The following FOLH1 variants were observed in gnomAD, a reference collection of about 807,000 sequenced individuals.
FOLH1 encodes the protein folate hydrolase 1, also known as glutamate carboxypeptidase 2.
Under a neutral mutation model 93.9 loss-of-function variants are expected in FOLH1, and 54 were observed. That is an observed-to-expected ratio of 0.57 (90% CI 0.46 to 0.72). FOLH1 has a LOEUF of 0.72. Among genes scored for constraint, FOLH1 ranks in the 30% least tolerant of loss-of-function variants. FOLH1 has a pLI of 0.00. For missense variants in FOLH1, 571 were observed against 892.5 expected (o/e 0.64, Z 4.59); for synonymous variants, 249 against 303.6 (o/e 0.82, Z 1.87).
Position 49,154,202 on chromosome 11 carries a change from A to G in FOLH1, c.1888+26T>C, listed in dbSNP as rs551721616. The stretch of plus-strand genomic sequence containing the variant: ...GATTAATAGAACCATACAGATGAGG[A>G]ATTTGAAAAAGGAAGGGTAACATAC... On this transcript the variant is annotated intron_variant, in intron 16 of 18. Coordinates refer to ENST00000256999, the MANE Select transcript of FOLH1 (RefSeq NM_004476.3). 1.6e-4 allele frequency: 265 copies of G among 1,610,902 alleles called. 3 individuals carry two copies. The South Asian group carries it at 2.8e-3, about 17-fold the overall frequency.
chr11:49,158,623 T>C (rs1857289497), intron 13 of FOLH1, among the ~76,000 whole-genome samples: 4 of 152,174 alleles, frequency 2.6e-5, no homozygotes, highest in Admixed American at 1.3e-4. Context: ...GGCTCTTTTA[T>C]GGATCCATAT....
rs1295876481 is a variant in FOLH1, at chr11:49,206,075, C to A, written c.216G>T (p.Lys72Asn). ...TTCGAGGATGTACTTACTATAAGAA[C>A]TTCTTGATGTTCTCAGCTTTCAATT... The part of the protein sequence containing the change: ...LDELKAENIK[K>N]FLYNFTQIPH... The change falls in exon 2 of 19, where the codon AAG becomes AAT. Residue 72 changes from lysine (K) to asparagine (N), a missense_variant. This residue lies in a region of FOLH1 where 500 missense variants were observed against 822.9 expected (regional missense o/e 0.61). Coordinates refer to ENST00000256999, the MANE Select transcript of FOLH1 (RefSeq NM_004476.3). The A allele has an allele frequency of 6.2e-7, 1 of 1,610,916 alleles. No homozygotes were observed.
At chr11:49,165,329 C>G (rs960928436) in intron 12 of FOLH1, among the ~76,000 whole-genome samples, 2 of 152,170 alleles carry the variant, frequency 1.3e-5, no homozygotes, top group Non-Finnish European at 2.9e-5. Context: ...CTGCCATACC[C>G]CAAGTGTTTA....
intron 18 of FOLH1, 125 bp downstream of exon 18, chr11:49,148,514 A>T: frequency 1.5e-6 from 1 of 671,984 alleles, no homozygotes; most frequent in Non-Finnish European, 2.5e-6. Flanking sequence ...CTTACTACAT[A>T]TATTTTGAAA....
At chr11:49,201,896 A>G (rs557917788) in intron 2 of FOLH1, among the ~76,000 whole-genome samples, 1 of 152,354 alleles carries the variant, frequency 6.6e-6, no homozygotes, top group Non-Finnish European at 1.5e-5. Flanking sequence ...AGGCTTTGCT[A>G]CTATTAAGTG....
chr11:49,164,857 A>G, intron 12 of FOLH1, 85 bp from the exon 13 acceptor site: 1 of 1,060,338 alleles, frequency 9.4e-7, no homozygotes, highest in Non-Finnish European at 1.4e-6. Flanking sequence ...AATTCCTACC[A>G]GAATGATTGT....
intron 12 of FOLH1, among the ~76,000 whole-genome samples, chr11:49,168,311 A>G (rs12792075): frequency 6.6e-6 from 1 of 151,860 alleles, no homozygotes; most frequent in Non-Finnish European, 1.5e-5. Context: ...AGAACAGGAG[A>G]GCAATGGCTG....
At chr11:49,188,048 C>A (rs1429195595) in intron 4 of FOLH1, among the ~76,000 whole-genome samples, 1 of 152,226 alleles carries the variant, frequency 6.6e-6, no homozygotes, top group Non-Finnish European at 1.5e-5. Flanking sequence ...CCACAATTAT[C>A]AACTAGCATT....
chr11:49,168,015 TA>T (rs1415870498), intron 12 of FOLH1, among the ~76,000 whole-genome samples: 3 of 147,388 alleles, frequency 2.0e-5, no homozygotes, highest in Non-Finnish European at 4.5e-5. Flanking sequence ...GAAAATATTC[TA>T]AAAAATTCCC....
chr11:49,181,132 G>A (rs1287379145), intron 7 of FOLH1, among the ~76,000 whole-genome samples: 1 of 147,056 alleles, frequency 6.8e-6, no homozygotes, highest in Non-Finnish European at 1.5e-5. Context: ...TTTTGAGACG[G>A]AGTCTCACTC....
At chr11:49,167,783 C>T (rs1858592455) in intron 12 of FOLH1, among the ~76,000 whole-genome samples, 1 of 151,942 alleles carries the variant, frequency 6.6e-6, no homozygotes, top group Admixed American at 6.6e-5. Flanking sequence ...CGCACTCCAA[C>T]CTGGGCTGCG....
chr11:49,190,861 G>A (rs986094283), intron 4 of FOLH1, among the ~76,000 whole-genome samples: 17 of 152,210 alleles, frequency 1.1e-4, no homozygotes, highest in African/African-American at 4.1e-4. Flanking sequence ...TAGCTCTGTC[G>A]CCCAGGCTGA....
At chr11:49,191,418 C>T (rs555723028) in intron 4 of FOLH1, among the ~76,000 whole-genome samples, 1 of 152,322 alleles carries the variant, frequency 6.6e-6, no homozygotes, top group South Asian at 2.1e-4. Flanking sequence ...TCAGCAAACT[C>T]ATCTGATATT....
intron 5 of FOLH1, chr11:49,186,067 T>A: frequency 1.3e-6 from 1 of 783,368 alleles, no homozygotes; most frequent in Non-Finnish European, 1.7e-6. Context: ...GATTTAGAAA[T>A]GTTCTTATTA....
chr11:49,204,152 A>G (rs372881809), intron 2 of FOLH1, among the ~76,000 whole-genome samples: 5 of 152,328 alleles, frequency 3.3e-5, no homozygotes, highest in African/African-American at 1.2e-4. Context: ...CCACCCTAAG[A>G]GAAGAATCAT....
At chr11:49,191,654 T>C in intron 4 of FOLH1, among the ~76,000 whole-genome samples, 1 of 152,340 alleles carries the variant, frequency 6.6e-6, no homozygotes, top group East Asian at 1.9e-4. Flanking sequence ...TAATATGATG[T>C]CTTCTCAGCC....
rs1276325086 is a variant in FOLH1, at chr11:49,185,671, T to C, written c.824A>G (p.Asn275Ser). ...ATATTCAAGGATTGATCATTCACCA[T>C]TTGCTGGGTAACCTGGTGTGAGAGG... Reference protein sequence around the residue: ...GDPLTPGYPANEYAYRRGIAE... With the variant: ...GDPLTPGYPASEYAYRRGIAE... The change falls in exon 6 of 19, where the codon AAT (asparagine) becomes AGT (serine). Residue 275 changes from asparagine to serine, a missense_variant and splice_region_variant. This residue lies in a region of FOLH1 where 500 missense variants were observed against 822.9 expected (regional missense o/e 0.61). Coordinates refer to ENST00000256999, the MANE Select transcript of FOLH1 (RefSeq NM_004476.3). 2.5e-6 allele frequency: 4 copies of C among 1,613,536 alleles called. No homozygotes were observed. Among genetic ancestry groups the C allele is most frequent in the Non-Finnish European group, 3.4e-6 (4 of 1,179,746 alleles).
intron 4 of FOLH1, among the ~76,000 whole-genome samples, chr11:49,192,318 GACA>G (rs1248457967): frequency 6.6e-6 from 1 of 152,084 alleles, no homozygotes; most frequent in Non-Finnish European, 1.5e-5. Flanking sequence ...AAAATAATTT[GACA>G]ACGTCAAAAT....
Position 49,146,602 on chromosome 11 carries a change from A to G in FOLH1, c.*154T>C. ...AATCCATAGGGAGAAGATAAACAAT[A>G]TAAACACACACATATATAAACACTC... is the stretch of plus-strand genomic sequence containing the variant. On this transcript the variant is annotated 3_prime_UTR_variant, in exon 19 of 19. Transcript: ENST00000256999. 1.7e-6 allele frequency: 1 copy of G among 598,490 alleles called. No homozygotes were observed. The highest frequency in any genetic ancestry group is 2.7e-6 in the Non-Finnish European group (1 of 373,722). 37.1% of individuals were successfully genotyped at this position (598,490 alleles called of 1,614,324 possible). A position where few individuals can be genotyped will look rare whatever the true frequency, so the allele number is the denominator to read the frequency against.
Sources: allele counts gnomAD v4.1 joint callset (sites outside exome capture counted in the v4.1 genomes callset), GRCh38; gene constraint gnomAD v4.1.1; regional missense constraint gnomAD v4.1.1; transcripts MANE v1.5; gene names NCBI Gene and HGNC (gene_info 2026-07-23, HGNC 2026-07-21).